Variants in BTF3L4 observed in about 807,000 individuals in gnomAD.
The protein encoded by BTF3L4 is basic transcription factor 3 like 4.
In BTF3L4, 6 loss-of-function variants were observed where a neutral mutation model predicts 16.8. That is an observed-to-expected ratio of 0.36 (90% CI 0.20 to 0.71). The LOEUF (loss-of-function observed/expected upper bound fraction) is 0.71. Ranked by LOEUF, BTF3L4 falls within the 30% of genes least tolerant of loss-of-function variation. The pLI, the probability that BTF3L4 is intolerant of heterozygous loss-of-function variation, is 0.58. For missense variants in BTF3L4, 92 were observed against 186.9 expected, an observed-to-expected ratio of 0.49 and a Z score of 2.96; for synonymous variants, 39 against 59.8, an observed-to-expected ratio of 0.65 and a Z score of 1.60.
In BTF3L4 at chr1:52,090,354, A is replaced by G. The variant is rs1245957067; in HGVS notation, c.*3596A>G. ...CTATGGCTTAGATTTTCCGAAGCTC[A>G]TGGTTCTAGGCACAGAAAGTCTCCA... is the stretch of plus-strand genomic sequence containing the variant. On this transcript the variant is annotated 3_prime_UTR_variant, in exon 6 of 6. Coordinates refer to ENST00000313334, the MANE Select transcript of BTF3L4 (RefSeq NM_152265.5). 6.6e-6 allele frequency: 1 copy of G among 152,188 alleles called. No individual in the cohort carries two copies. The highest frequency in any genetic ancestry group is 1.5e-5 in the Non-Finnish European group (1 of 68,024). 9.4% of individuals were successfully genotyped at this position (152,188 alleles called of 1,614,324 possible).
rs541206342 is a variant in BTF3L4, at chr1:52,078,065, C to CT, written c.169-5267dup. ...TTTGGGGAGTTGGTCTGACAATATC[C>CT]TTTTTTTTCCTTTTTTAAGACAGGG... On this transcript the variant is annotated intron_variant, in intron 3 of 5. Coordinates refer to ENST00000313334, the MANE Select transcript of BTF3L4 (RefSeq NM_152265.5). Among the ~76,000 whole-genome samples, 72 of 151,654 alleles carry CT rather than the reference C, an allele frequency of 4.7e-4. 1 individual carries two copies. Among genetic ancestry groups the CT allele is most frequent in the South Asian group, 3.3e-3 (16 of 4,782 alleles).
At chr1:52,072,059 TTTG>T (rs1356465526) in intron 3 of BTF3L4, among the ~76,000 whole-genome samples, 2 of 151,442 alleles carry the variant, frequency 1.3e-5, no homozygotes, top group African/African-American at 2.4e-5. Context: ...TTGTTTGTTT[TTTG>T]TTGTTGTTTT....
chr1:52,076,422 A>G (rs1400185751), intron 3 of BTF3L4, among the ~76,000 whole-genome samples: 2 of 151,968 alleles, frequency 1.3e-5, no homozygotes, highest in African/African-American at 4.8e-5. Flanking sequence ...AAAAATACAA[A>G]AATTAGCTAG....
intron 3 of BTF3L4, among the ~76,000 whole-genome samples, chr1:52,066,533 G>A (rs1201170805): frequency 6.7e-6 from 1 of 149,064 alleles, no homozygotes; most frequent in Non-Finnish European, 1.5e-5. Flanking sequence ...CAAAGTTTAC[G>A]CTTTTACTGC....
intron 4 of BTF3L4, among the ~76,000 whole-genome samples, chr1:52,084,880 G>T (rs770259934): frequency 1.2e-4 from 18 of 151,706 alleles, no homozygotes; most frequent in Non-Finnish European, 2.2e-4. Flanking sequence ...TGTGGCAACC[G>T]TAAGTTCTGA....
rs1425123653 is a variant in BTF3L4, at chr1:52,088,694, C to T, written c.*1936C>T. On this transcript the variant is annotated 3_prime_UTR_variant, in exon 6 of 6. Coordinates refer to ENST00000313334, the MANE Select transcript of BTF3L4 (RefSeq NM_152265.5). ...ACTTGGAAGCCAGGAGACTTGTGTCCTAGTCAAAACTCTGGCATTATGTGA... is the reference window on the plus strand; with the variant it reads ...ACTTGGAAGCCAGGAGACTTGTGTCTTAGTCAAAACTCTGGCATTATGTGA... The T allele has an allele frequency of 6.6e-6, 1 of 152,144 alleles. No homozygotes were observed. The highest frequency in any genetic ancestry group is 2.4e-5 in the African/African-American group (1 of 41,430). The allele number at this position is 152,144 out of a possible 1,614,324, so 9.4% of individuals were successfully genotyped here.
chr1:52,085,013 CTTTTTTTTT>C (rs764763479), intron 4 of BTF3L4, among the ~76,000 whole-genome samples: 2 of 58,514 alleles, frequency 3.4e-5, no homozygotes, highest in South Asian at 2.1e-3. Context: ...TGAAAAAAAT[CTTTTTTTTT>C]TTTTTTTTTT....
At chr1:52,082,331 A>G (rs557215606) in intron 3 of BTF3L4, among the ~76,000 whole-genome samples, 1 of 152,316 alleles carries the variant, frequency 6.6e-6, no homozygotes, top group South Asian at 2.1e-4. Flanking sequence ...GATGATTTTT[A>G]AAGGTTTCCT....
At chr1:52,075,670 T>C (rs958643451) in intron 3 of BTF3L4, among the ~76,000 whole-genome samples, 1 of 149,726 alleles carries the variant, frequency 6.7e-6, no homozygotes, top group Non-Finnish European at 1.5e-5. Flanking sequence ...TATTTTTATA[T>C]ATATAAATCT....
chr1:52,087,290 C>T lies in BTF3L4; in HGVS notation c.*532C>T, dbSNP rs1199326637. ...TTGGTTAACTATCATATTTTTCATA[C>T]ACTTCTCTGGATTTAAAATATCTTG... On this transcript the variant is annotated 3_prime_UTR_variant, in exon 6 of 6. Coordinates refer to ENST00000313334, the MANE Select transcript of BTF3L4 (RefSeq NM_152265.5). The T allele has an allele frequency of 6.6e-6, 1 of 152,524 alleles. No individual in the cohort carries two copies. Among genetic ancestry groups the T allele is most frequent in the Non-Finnish European group, 1.5e-5 (1 of 68,060 alleles). 9.4% of individuals were successfully genotyped at this position (152,524 alleles called of 1,614,324 possible).
rs1644001277 is a variant in BTF3L4, at chr1:52,089,563, G to T, written c.*2805G>T. On this transcript the variant is annotated 3_prime_UTR_variant, in exon 6 of 6. Coordinates refer to ENST00000313334, the MANE Select transcript of BTF3L4 (RefSeq NM_152265.5). ...AATATGTGCTTCTTACTAAGATTAG[G>T]TATTTTTTGCCAAGATAACAATGAT... The T allele has an allele frequency of 6.6e-6, 1 of 152,102 alleles. No individual in the cohort carries two copies. Among genetic ancestry groups the T allele is most frequent in the African/African-American group, 2.4e-5 (1 of 41,418 alleles). 9.4% of individuals were successfully genotyped at this position (152,102 alleles called of 1,614,324 possible). A position where few individuals can be genotyped will look rare whatever the true frequency, so the allele number is the denominator to read the frequency against.
At position 52,083,435 on chromosome 1, in the gene BTF3L4, T is replaced by G. The variant is rs771286463; in HGVS notation, c.264T>G (p.His88Gln). The G allele has an allele frequency of 6.2e-7, 1 of 1,609,392 alleles. No individual in the cohort carries two copies. The highest frequency in any genetic ancestry group is 1.1e-5 in the South Asian group (1 of 90,986). ...CTAATACCTTTGCAATTACTGGTCA[T>G]GCAGAAGCCAAACCAATCACAGAAA... ...LSANTFAITG[H>Q]AEAKPITEML... Residue 88 changes from histidine to glutamine, a missense_variant, in exon 4 of 6, where the codon CAT (histidine) becomes CAG (glutamine). Transcript: ENST00000313334.
At chr1:52,084,071 A>G (rs1290065765) in intron 4 of BTF3L4, among the ~76,000 whole-genome samples, 1 of 152,058 alleles carries the variant, frequency 6.6e-6, no homozygotes, top group Non-Finnish European at 1.5e-5. Context: ...AATAATAGTA[A>G]GTTGAGAAGT....
chr1:52,086,947 A>G lies in BTF3L4; in HGVS notation c.*189A>G. ...TGCATTTTGCACTTCCTCCCAGGAT[A>G]TTTTTTTGGTCAAAATATGAAGTAT... On this transcript the variant is annotated 3_prime_UTR_variant, in exon 6 of 6. Transcript: ENST00000313334. 2.2e-6 allele frequency: 1 copy of G among 460,486 alleles called. No individual in the cohort carries two copies. The highest frequency in any genetic ancestry group is 3.9e-6 in the Non-Finnish European group (1 of 255,398). The allele number at this position is 460,486 out of a possible 1,614,324, so 28.5% of individuals were successfully genotyped here.
chr1:52,060,211 A>G (rs1686474809), intron 2 of BTF3L4, among the ~76,000 whole-genome samples: 1 of 152,226 alleles, frequency 6.6e-6, no homozygotes, highest in Non-Finnish European at 1.5e-5. Flanking sequence ...ATAATCCTAC[A>G]TAAGGTGTTT....
At chr1:52,080,597 G>T (rs1408014742) in intron 3 of BTF3L4, among the ~76,000 whole-genome samples, 3 of 114,612 alleles carry the variant, frequency 2.6e-5, no homozygotes, top group African/African-American at 9.9e-5. Context: ...GCAATGGTGC[G>T]ATTTCGGCTT....
At chr1:52,082,372 G>A (rs1245642015) in intron 3 of BTF3L4, among the ~76,000 whole-genome samples, 1 of 152,190 alleles carries the variant, frequency 6.6e-6, no homozygotes, top group East Asian at 1.9e-4. Flanking sequence ...GTCACTAGGT[G>A]AGTGGGTGGG....
chr1:52,074,889 C>T (rs1235239921), intron 3 of BTF3L4, among the ~76,000 whole-genome samples: 1 of 151,578 alleles, frequency 6.6e-6, no homozygotes, highest in East Asian at 2.0e-4. Flanking sequence ...CTCTGTCACC[C>T]AGGCTGAGAG....
chr1:52,075,586 T>C, intron 3 of BTF3L4, among the ~76,000 whole-genome samples: 1 of 147,280 alleles, frequency 6.8e-6, no homozygotes, highest in East Asian at 1.9e-4. Flanking sequence ...ATATATATTA[T>C]ATATAAATTA....
Sources: gnomAD v4.1 joint callset for allele counts (sites outside exome capture counted in the v4.1 genomes callset) on GRCh38, gnomAD v4.1.1 for gene constraint, MANE v1.5 for transcripts, NCBI Gene and HGNC (gene_info 2026-07-23, HGNC 2026-07-21) for gene names.